ATG10: variants seen among roughly 807,000 people sequenced by gnomAD.
ATG10 encodes the protein autophagy related 10.
Under a neutral mutation model 32.1 loss-of-function variants are expected in ATG10, and 30 were observed. The ratio of observed to expected loss-of-function variants is 0.94; its 90% CI spans 0.70 to 1.27. ATG10 has a LOEUF of 1.27. Among genes scored for constraint, ATG10 ranks in the 50% most tolerant of loss-of-function variants. The pLI, the probability that ATG10 is intolerant of heterozygous loss-of-function variation, is 0.00. For synonymous variants in ATG10, 87 were observed against 91.5 expected, an observed-to-expected ratio of 0.95 and a Z score of 0.28; for missense variants, 233 against 262.3, an observed-to-expected ratio of 0.89 and a Z score of 0.77.
At chr5:82,230,376 A>G (rs980371350) in intron 5 of ATG10, among the ~76,000 whole-genome samples, 1 of 152,224 alleles carries the variant, frequency 6.6e-6, no homozygotes, top group Non-Finnish European at 1.5e-5. Flanking sequence ...TATTCATTCC[A>G]AAATTTTTAT....
intron 3 of ATG10, among the ~76,000 whole-genome samples, chr5:82,162,215 G>A (rs1743381181): frequency 1.3e-5 from 2 of 151,872 alleles, no homozygotes; most frequent in South Asian, 4.1e-4. Context: ...CAAATATTCA[G>A]AAAATAGGTA....
chr5:82,164,653 G>C, intron 4 of ATG10, 116 bp downstream of exon 4: 6 of 1,022,010 alleles, frequency 5.9e-6, no homozygotes, highest in African/African-American at 1.6e-5. Context: ...TGAGAAAACT[G>C]TGGGTGAGGT....
At chr5:81,976,256 G>C (rs868365260) in intron 1 of ATG10, 2 of 151,756 alleles carry the variant, frequency 1.3e-5, no homozygotes, top group Non-Finnish European at 2.9e-5. Flanking sequence ...TGATCCGCCC[G>C]CCTCGGCCTC....
intron 3 of ATG10, among the ~76,000 whole-genome samples, chr5:82,113,529 T>C (rs998729097): frequency 6.6e-6 from 1 of 152,074 alleles, no homozygotes; most frequent in Admixed American, 6.6e-5. Flanking sequence ...ACATTTTCAG[T>C]GGGATGAAGA....
intron 3 of ATG10, 90 bp downstream of exon 3, chr5:82,058,692 C>G: frequency 1.3e-5 from 10 of 762,184 alleles, no homozygotes; most frequent in Non-Finnish European, 2.0e-5. Context: ...GCATTCCATC[C>G]TATGGAAGCA....
At chr5:82,225,168 G>C (rs760895402) in intron 5 of ATG10, among the ~76,000 whole-genome samples, 2 of 152,092 alleles carry the variant, frequency 1.3e-5, no homozygotes, top group Admixed American at 6.5e-5. Flanking sequence ...AATTTTATGG[G>C]TATTTCAGAA....
At chr5:82,134,018 G>T (rs1325191823) in intron 3 of ATG10, among the ~76,000 whole-genome samples, 1 of 133,018 alleles carries the variant, frequency 7.5e-6, no homozygotes, top group African/African-American at 2.9e-5. Flanking sequence ...TTGGCTCTCT[G>T]TTTGTCTGTT....
intron 3 of ATG10, among the ~76,000 whole-genome samples, chr5:82,102,859 C>T (rs558971006): frequency 1.5e-3 from 167 of 108,592 alleles, no homozygotes; most frequent in South Asian, 0.011. Flanking sequence ...GGCATCCAAG[C>T]CTCATTTTCA....
chr5:82,072,356 G>A (rs892706399), intron 3 of ATG10, among the ~76,000 whole-genome samples: 3 of 152,134 alleles, frequency 2.0e-5, no homozygotes, highest in African/African-American at 7.2e-5. Flanking sequence ...CTGCCCAGAG[G>A]TTCTGGGAAG....
At chr5:82,185,005 C>T (rs1258610993) in intron 5 of ATG10, among the ~76,000 whole-genome samples, 1 of 152,188 alleles carries the variant, frequency 6.6e-6, no homozygotes, top group Non-Finnish European at 1.5e-5. Flanking sequence ...CTTCATGAAA[C>T]CTACTGTGTA....
rs962012902 is a variant in ATG10 at position 82,117,570 on chromosome 5, A to G, written c.217-46829A>G. On this transcript the variant is annotated intron_variant, in intron 3 of 7. Transcript: ENST00000282185. ...GACCTTACTTGAGCTATCTCCTGGC[A>G]CTCTCAAAGTACACTATTCTTGTAA... Among the ~76,000 whole-genome samples, 3 of 151,996 alleles carry G rather than the reference A, an allele frequency of 2.0e-5. 1 individual carries two copies. In the South Asian group the frequency reaches 6.2e-4, roughly 31 times the overall value.
At chr5:82,225,467 G>C (rs936661519) in intron 5 of ATG10, among the ~76,000 whole-genome samples, 2 of 152,224 alleles carry the variant, frequency 1.3e-5, no homozygotes, top group Non-Finnish European at 2.9e-5. Context: ...CAAGAGGAAA[G>C]GAGATGCTCT....
intron 3 of ATG10, among the ~76,000 whole-genome samples, chr5:82,077,625 T>G (rs916419456): frequency 8.5e-5 from 13 of 152,120 alleles, no homozygotes; most frequent in African/African-American, 2.9e-4. Flanking sequence ...GCTCAGCTAG[T>G]AAACTCATTA....
chr5:82,249,932 G>A (rs1257536297), intron 5 of ATG10, among the ~76,000 whole-genome samples: 1 of 152,184 alleles, frequency 6.6e-6, no homozygotes, highest in Admixed American at 6.5e-5. Context: ...AGTGAGTCTT[G>A]GAGAGAGTGG....
intron 2 of ATG10, among the ~76,000 whole-genome samples, chr5:82,055,786 A>G (rs1390066272): frequency 6.6e-6 from 1 of 152,208 alleles, no homozygotes; most frequent in Non-Finnish European, 1.5e-5. Flanking sequence ...AGAACAGACC[A>G]CATGTACAGT....
At chr5:82,205,250 G>T (rs1271505775) in intron 5 of ATG10, among the ~76,000 whole-genome samples, 1 of 152,202 alleles carries the variant, frequency 6.6e-6, no homozygotes, top group Non-Finnish European at 1.5e-5. Flanking sequence ...GCAGAATGTG[G>T]TTTGATGCCT....
intron 2 of ATG10, among the ~76,000 whole-genome samples, chr5:81,993,369 T>TC (rs1761540902): frequency 2.6e-5 from 1 of 38,028 alleles, no homozygotes; most frequent in African/African-American, 1.3e-4. Flanking sequence ...CCTTCTTTTC[T>TC]TTTCTTTTCT....
intron 3 of ATG10, among the ~76,000 whole-genome samples, chr5:82,140,098 C>T (rs1408043544): frequency 1.3e-3 from 177 of 134,336 alleles, no homozygotes; most frequent in African/African-American, 4.7e-3. Context: ...GCCAGCCGCC[C>T]CGTCTGGGAG....
At chr5:82,124,323 A>G (rs1320712302) in intron 3 of ATG10, among the ~76,000 whole-genome samples, 1 of 149,186 alleles carries the variant, frequency 6.7e-6, no homozygotes. Flanking sequence ...TTTATAATTT[A>G]AGTTCTGGGA....
Sources: allele counts gnomAD v4.1 joint callset (sites outside exome capture counted in the v4.1 genomes callset), GRCh38; gene constraint gnomAD v4.1.1; transcripts MANE v1.5; gene names NCBI Gene and HGNC (gene_info 2026-07-23, HGNC 2026-07-21).